The following TBC1D23 variants were observed in gnomAD, a reference collection of about 807,000 sequenced individuals.
TBC1D23 encodes HCV non-structural protein 4A-transactivated protein 1.
In TBC1D23, 55 loss-of-function variants were observed where a neutral mutation model predicts 91.4. The observed-to-expected ratio is 0.60, with a 90% CI of 0.48 to 0.75. The LOEUF (loss-of-function observed/expected upper bound fraction) is 0.75, where lower values mean the gene tolerates loss of function less well. TBC1D23 is among the 30% of genes least tolerant of loss of function. The pLI, the probability that TBC1D23 is intolerant of heterozygous loss-of-function variation, is 0.00. For missense variants in TBC1D23, 725 were observed against 836.1 expected, an observed-to-expected ratio of 0.87 and a Z score of 1.64; for synonymous variants, 289 against 281.0, an observed-to-expected ratio of 1.03 and a Z score of -0.28.
intron 1 of TBC1D23, among the ~76,000 whole-genome samples, chr3:100,275,037 C>A (rs769490672): frequency 6.6e-6 from 1 of 151,728 alleles, no homozygotes; most frequent in Non-Finnish European, 1.5e-5. Flanking sequence ...TTCTTTCAGA[C>A]ATTTCAGGAT....
intron 15 of TBC1D23, among the ~76,000 whole-genome samples, chr3:100,315,442 G>T (rs1705725214): frequency 6.6e-6 from 1 of 152,082 alleles, no homozygotes; most frequent in Non-Finnish European, 1.5e-5. Context: ...GATTACAGGA[G>T]TGAGCCACCG....
intron 12 of TBC1D23, 84 bp downstream of exon 12, chr3:100,304,972 C>A: frequency 2.6e-6 from 2 of 769,410 alleles, no homozygotes; most frequent in South Asian, 3.1e-5. Context: ...CTGGAGTGGT[C>A]ACATTAGTTA....
chr3:100,297,831 A>G, intron 8 of TBC1D23, 92 bp from the exon 9 acceptor site: 1 of 1,120,888 alleles, frequency 8.9e-7, no homozygotes, highest in Non-Finnish European at 1.3e-6. Context: ...GAGTATTATA[A>G]TTTTACCTTT....
chr3:100,279,761 G>C lies in TBC1D23; in HGVS notation c.165+1G>C. On this transcript the variant is annotated splice_donor_variant, in intron 2 of 18. Transcript: ENST00000394144. LOFTEE classifies it high-confidence loss of function. ...TGATCTGAGGGCCAAAGTTTGGAAG[G>C]TAACTAGAAACTAAAATGAATAAAA... is the stretch of plus-strand genomic sequence containing the variant. 6.5e-7 allele frequency: 1 copy of C among 1,550,218 alleles called. No homozygotes were observed. Among genetic ancestry groups the C allele is most frequent in the Non-Finnish European group, 8.8e-7 (1 of 1,131,372 alleles).
intron 9 of TBC1D23, among the ~76,000 whole-genome samples, 188 bp from the exon 10 acceptor site, chr3:100,299,051 T>A (rs1168864103): frequency 3.3e-5 from 5 of 152,258 alleles, no homozygotes; most frequent in African/African-American, 1.2e-4. Context: ...ATGTTTTAAC[T>A]GTTTAAAAGA....
At chr3:100,308,070 T>C (rs1371005511) in intron 13 of TBC1D23, among the ~76,000 whole-genome samples, 2 of 152,256 alleles carry the variant, frequency 1.3e-5, no homozygotes, top group East Asian at 3.8e-4. Flanking sequence ...GAAATTATCT[T>C]AAAGAGCATT....
intron 7 of TBC1D23, among the ~76,000 whole-genome samples, 184 bp from the exon 8 acceptor site, chr3:100,295,988 A>G (rs570530058): frequency 6.6e-6 from 1 of 152,314 alleles, no homozygotes; most frequent in Admixed American, 6.5e-5. Context: ...CTTCACTGAC[A>G]AGAGATTTAC....
intron 7 of TBC1D23, 122 bp from the exon 8 acceptor site, chr3:100,296,050 A>G: frequency 2.0e-6 from 1 of 492,860 alleles, no homozygotes; most frequent in Non-Finnish European, 3.6e-6. Flanking sequence ...AAGTCATTGT[A>G]AAAGCACCAG....
Position 100,302,182 on chromosome 3 carries a change from G to T in TBC1D23, c.1208G>T (p.Ser403Ile), listed in dbSNP as rs1321874789. 9.3e-6 allele frequency: 15 copies of T among 1,613,904 alleles called. No homozygotes were observed. Among genetic ancestry groups the T allele is most frequent in the African/African-American group, 1.3e-5 (1 of 74,926 alleles). Reference protein sequence around the residue: ...AGGEHLCFMGSGREEEDMYMN... With the variant: ...AGGEHLCFMGIGREEEDMYMN... ...GGGGAGCACCTCTGTTTTATGGGCA[G>T]TGGCAGGGAGGAAGAAGACATGTAT... is the stretch of plus-strand genomic sequence containing the variant. Residue 403 changes from serine to isoleucine, a missense_variant, in exon 11 of 19, where the codon AGT becomes ATT. Transcript: ENST00000394144.
chr3:100,283,170 C>T (rs1419093735), intron 3 of TBC1D23, among the ~76,000 whole-genome samples: 1 of 152,124 alleles, frequency 6.6e-6, no homozygotes, highest in Non-Finnish European at 1.5e-5. Flanking sequence ...GTCAGGAGTT[C>T]GAGACCAGCC....
chr3:100,310,392 T>C lies in TBC1D23; in HGVS notation c.1414-11T>C. 1.2e-6 allele frequency: 2 copies of C among 1,608,212 alleles called. No individual in the cohort carries two copies. Among genetic ancestry groups the C allele is most frequent in the African/African-American group, 1.3e-5 (1 of 74,674 alleles). ...TTCAGAGGCAGTTAATCCATTATGT[T>C]CTTTTTTTAGGGTGAATCTCCTAAT... On this transcript the variant is annotated splice_polypyrimidine_tract_variant and intron_variant, in intron 13 of 18. Coordinates refer to ENST00000394144, the MANE Select transcript of TBC1D23 (RefSeq NM_001199198.3).
At chr3:100,306,088 G>A (rs1187139436) in intron 12 of TBC1D23, among the ~76,000 whole-genome samples, 1 of 152,044 alleles carries the variant, frequency 6.6e-6, no homozygotes, top group African/African-American at 2.4e-5. Flanking sequence ...AGTCACAATC[G>A]GTTTTCTGTT....
At position 100,304,899 on chromosome 3, in the gene TBC1D23, G is replaced by A; in HGVS notation, c.1306+11G>A. The A allele has an allele frequency of 7.0e-7, 1 of 1,428,622 alleles. No individual in the cohort carries two copies. The allele number at this position is 1,428,622 out of a possible 1,614,324, so 88.5% of individuals were successfully genotyped here. The stretch of plus-strand genomic sequence containing the variant: ...GTGGAGGATTTATGGGTAAGATTTT[G>A]ATTTATTAGTTTTTTTCCTCTATGT... On this transcript the variant is annotated intron_variant, in intron 12 of 18. Transcript: ENST00000394144.
chr3:100,302,281 T>C lies in TBC1D23; in HGVS notation c.1263+44T>C, dbSNP rs1241333501. ...TTTCAGTTTTGTTTGGTTAATGTTATCACCTTTAAAAAATTTACATAGATA... is the reference window on the plus strand; with the variant it reads ...TTTCAGTTTTGTTTGGTTAATGTTACCACCTTTAAAAAATTTACATAGATA... On this transcript the variant is annotated intron_variant, in intron 11 of 18. Coordinates refer to ENST00000394144, the MANE Select transcript of TBC1D23 (RefSeq NM_001199198.3). The C allele has an allele frequency of 1.0e-4, 155 of 1,495,006 alleles. 1 individual carries two copies. The highest frequency in any genetic ancestry group is 1.4e-4 in the Non-Finnish European group (153 of 1,114,826). The allele number at this position is 1,495,006 out of a possible 1,614,324, so 92.6% of individuals were successfully genotyped here.
At chr3:100,269,193 T>G (rs2067581942) in intron 1 of TBC1D23, among the ~76,000 whole-genome samples, 1 of 151,940 alleles carries the variant, frequency 6.6e-6, no homozygotes, top group Admixed American at 6.5e-5. Context: ...TAAATTTGCC[T>G]TGTGAAGCCA....
intron 18 of TBC1D23, among the ~76,000 whole-genome samples, chr3:100,322,844 C>T (rs1202322688): frequency 6.6e-6 from 1 of 151,810 alleles, no homozygotes; most frequent in Non-Finnish European, 1.5e-5. Context: ...CTCTCTCTCC[C>T]TTTCTTCATT....
chr3:100,310,269 T>C, intron 13 of TBC1D23, 134 bp from the exon 14 acceptor site: 1 of 757,292 alleles, frequency 1.3e-6, no homozygotes, highest in South Asian at 1.8e-5. Flanking sequence ...CATTCTGAGA[T>C]ATACTGGGAG....
At chr3:100,302,304 A>G (rs906095988) in intron 11 of TBC1D23, 67 bp downstream of exon 11, 2 of 1,328,228 alleles carry the variant, frequency 1.5e-6, no homozygotes, top group Non-Finnish European at 2.0e-6. Context: ...ATTTACATAG[A>G]TAACTTTTTG....
intron 1 of TBC1D23, among the ~76,000 whole-genome samples, chr3:100,268,972 A>G (rs1401114096): frequency 6.6e-6 from 1 of 152,186 alleles, no homozygotes; most frequent in Non-Finnish European, 1.5e-5. Flanking sequence ...TTTTTTACTT[A>G]GGCAACAACT....
Sources: gnomAD v4.1 joint callset for allele counts (sites outside exome capture counted in the v4.1 genomes callset) on GRCh38, gnomAD v4.1.1 for gene constraint, MANE v1.5 for transcripts, NCBI Gene and HGNC (gene_info 2026-07-23, HGNC 2026-07-21) for gene names.